KPNA2: variants seen among roughly 807,000 people sequenced by gnomAD.
KPNA2 encodes the protein importin subunit alpha-1.
A neutral mutation model predicts 53.7 loss-of-function variants in KPNA2; 20 were observed. That is an observed-to-expected ratio of 0.37 (90% confidence interval 0.26 to 0.54). The LOEUF is 0.54. KPNA2 is among the 20% of genes least tolerant of loss of function. The probability of loss-of-function intolerance (pLI) is 0.83; values close to 1 mark genes in which losing one functional copy is unlikely to be tolerated. For synonymous variants in KPNA2, 238 were observed against 227.5 expected (o/e 1.05, Z -0.42); for missense variants, 515 against 640.3 (o/e 0.80, Z 2.11).
At chr17:68,043,049 C>T (rs2071280935) in intron 6 of KPNA2, 50 bp downstream of exon 6, 1 of 1,612,550 alleles carries the variant, frequency 6.2e-7, no homozygotes, top group African/African-American at 1.3e-5. Context: ...TCTAATTTCC[C>T]CCATCTTCTC....
In KPNA2 at chr17:68,042,225, C is replaced by A. The variant is rs781997941; in HGVS notation, c.443C>A (p.Ala148Asp). The change falls in exon 5 of 11, where the codon GCT (alanine) becomes GAT (aspartate). Residue 148 changes from alanine (A) to aspartate (D), a missense_variant. By Grantham distance (126) the Ala-to-Asp change is moderately radical. Coordinates refer to ENST00000330459, the MANE Select transcript of KPNA2 (RefSeq NM_002266.4). The stretch of plus-strand genomic sequence containing the variant: ...TCTGCTTGGGCACTCACTAACATTG[C>A]TTCTGGGACATCAGAACAAACCAAG... ...FESAWALTNI[A>D]SGTSEQTKAV... 6.2e-7 allele frequency: 1 copy of A among 1,614,120 alleles called. No homozygotes were observed. Among genetic ancestry groups the A allele is most frequent in the Non-Finnish European group, 8.5e-7 (1 of 1,180,000 alleles).
At position 68,045,916 on chromosome 17, in the gene KPNA2, G is replaced by T. The variant is rs782624895; in HGVS notation, c.1492G>T (p.Val498Leu). Residue 498 changes from valine to leucine, a missense_variant, in exon 10 of 11, where the codon GTA becomes TTA. Transcript: ENST00000330459. ...SLSLIEKYFS[V>L]EEEEDQNVVP... Reference sequence around the variant, plus strand: ...AAGCTTAATTGAGAAGTATTTCTCTGTAGAGGTGAGTAATGGATGGTAATA... The same window carrying T: ...AAGCTTAATTGAGAAGTATTTCTCTTTAGAGGTGAGTAATGGATGGTAATA... 3.8e-6 allele frequency: 6 copies of T among 1,565,688 alleles called. No homozygotes were observed. In the African/African-American group the frequency reaches 6.8e-5, roughly 18 times the overall value.
chr17:68,042,148 G>A lies in KPNA2; in HGVS notation c.366G>A (p.Pro122=), dbSNP rs202246339. The change falls in exon 5 of 11, where the codon CCG becomes CCA. Residue 122 remains proline, a synonymous_variant. Coordinates refer to ENST00000330459, the MANE Select transcript of KPNA2 (RefSeq NM_002266.4). The part of the protein sequence containing the change: ...IDNIIRAGLI[P]KFVSFLGRTD... ...ACATAATCCGGGCTGGTTTGATTCC[G>A]AAATTTGTGTCCTTCTTGGGCAGAA... 1.1e-4 allele frequency: 170 copies of A among 1,613,952 alleles called. No homozygotes were observed. In the East Asian group the frequency reaches 2.2e-3, roughly 21 times the overall value.
Position 68,043,822 on chromosome 17 carries a change from A to ATTTTT in KPNA2, c.931-8_931-4dup. The ATTTTT allele has an allele frequency of 1.2e-6, 1 of 862,712 alleles. No individual in the cohort carries two copies. Among genetic ancestry groups the ATTTTT allele is most frequent in the East Asian group, 5.0e-5 (1 of 19,876 alleles). The allele number at this position is 862,712 out of a possible 1,614,324, so 53.4% of individuals were successfully genotyped here. ...GGGAAAAAATAACCAGCATCAACAT[A>ATTTTT]TTTTTTTTTTTTCAGACTCCTGCCC... On this transcript the variant is annotated splice_polypyrimidine_tract_variant and intron_variant, in intron 7 of 10. Coordinates refer to ENST00000330459, the MANE Select transcript of KPNA2 (RefSeq NM_002266.4).
chr17:68,043,091 T>G lies in KPNA2; in HGVS notation c.667-9T>G. ...CAGAACCTCTCATTGCCTATTTTTT[T>G]TCCCCCAGTGTGGCTACTTACGTAA... On this transcript the variant is annotated splice_polypyrimidine_tract_variant and intron_variant, in intron 6 of 10. Coordinates refer to ENST00000330459, the MANE Select transcript of KPNA2 (RefSeq NM_002266.4). The G allele has an allele frequency of 6.2e-7, 1 of 1,613,932 alleles. No homozygotes were observed. The highest frequency in any genetic ancestry group is 2.2e-5 in the East Asian group (1 of 44,866).
Position 68,042,915 on chromosome 17 carries a change from A to C in KPNA2, c.582A>C (p.Ser194=), listed in dbSNP as rs1476557022. ...WALGNIAGDG[S]VFRDLVIKYG... is the part of the protein sequence containing the mutation. ...TGCCTTTTTTTTCAGGTGATGGCTC[A>C]GTGTTCCGAGACTTGGTTATTAAGT... is the stretch of plus-strand genomic sequence containing the variant. The change falls in exon 6 of 11, where the codon TCA becomes TCC. Residue 194 remains serine (S), a synonymous_variant. Transcript: ENST00000330459. 1.2e-6 allele frequency: 2 copies of C among 1,608,360 alleles called. No individual in the cohort carries two copies. The highest frequency in any genetic ancestry group is 1.3e-5 in the African/African-American group (1 of 74,480).
In KPNA2 at chr17:68,037,360, A is replaced by G. The variant is rs1555703928; in HGVS notation, c.78A>G (p.Glu26=). 1 of 1,611,560 alleles carries G rather than the reference A, an allele frequency of 6.2e-7. No individual in the cohort carries two copies. The highest frequency in any genetic ancestry group is 1.3e-5 in the African/African-American group (1 of 74,818). Reference sequence around the variant, plus strand: ...ACGGCATGTTATCTTTTCTCAAGGAAATGAGGCGTCGCAGAATAGAGGTCA... The same window carrying G: ...ACGGCATGTTATCTTTTCTCAAGGAGATGAGGCGTCGCAGAATAGAGGTCA... The part of the protein sequence containing the change: ...RFKNKGKDST[E]MRRRRIEVNV... The change falls in exon 3 of 11, where the codon GAA becomes GAG. Residue 26 remains glutamate, a splice_region_variant and synonymous_variant. Coordinates refer to ENST00000330459, the MANE Select transcript of KPNA2 (RefSeq NM_002266.4).
intron 4 of KPNA2, 35 bp downstream of exon 4, chr17:68,040,801 G>C: frequency 1.6e-6 from 2 of 1,264,720 alleles, no homozygotes; most frequent in Non-Finnish European, 2.2e-6. Context: ...GGTAGCCTAA[G>C]AAATTTGTGT....
chr17:68,042,390 T>C (rs1555704687), intron 5 of KPNA2, 37 bp downstream of exon 5: 2 of 1,593,646 alleles, frequency 1.3e-6, no homozygotes, highest in Non-Finnish European at 1.7e-6. Flanking sequence ...TGAATGTATC[T>C]AATCGTAATT....
Position 68,043,611 on chromosome 17 carries a change from CAGG to C in KPNA2, c.931-224_931-222del, listed in dbSNP as rs1446743692. Among the ~76,000 whole-genome samples, 6 of 150,200 alleles carry C rather than the reference CAGG, an allele frequency of 4.0e-5. No individual in the cohort carries two copies. In the Admixed American group the frequency reaches 4.0e-4, roughly 10 times the overall value. Reference sequence around the variant, plus strand: ...ATCTCAACTACTCGGGAGGCTAAGGCAGGAGAATTGCTTGAATCTGGGAGGCAG... The same window carrying C: ...ATCTCAACTACTCGGGAGGCTAAGGCAGAATTGCTTGAATCTGGGAGGCAG... On this transcript the variant is annotated intron_variant, in intron 7 of 10. Coordinates refer to ENST00000330459, the MANE Select transcript of KPNA2 (RefSeq NM_002266.4).
At chr17:68,041,879 A>G (rs1428698291) in intron 4 of KPNA2, among the ~76,000 whole-genome samples, 1 of 152,168 alleles carries the variant, frequency 6.6e-6, no homozygotes, top group Non-Finnish European at 1.5e-5. Context: ...TTCTGGAAAA[A>G]TGGTAGTTAA....
intron 3 of KPNA2, among the ~76,000 whole-genome samples, chr17:68,040,014 AGGT>A (rs1396589429): frequency 2.6e-5 from 4 of 151,682 alleles, no homozygotes; most frequent in Admixed American, 2.0e-4. Context: ...CAGGAGGCGG[AGGT>A]GGTGGTGAGC....
At chr17:68,037,547 G>A in intron 3 of KPNA2, 52 bp downstream of exon 3, 2 of 1,538,404 alleles carry the variant, frequency 1.3e-6, no homozygotes, top group Non-Finnish European at 1.8e-6. Flanking sequence ...AAAATCAGTA[G>A]GGACTTTTCT....
Position 68,035,765 on chromosome 17 carries a change from C to A in KPNA2, c.-99C>A, listed in dbSNP as rs1436925207. 6.6e-6 allele frequency: 1 copy of A among 152,360 alleles called. No individual in the cohort carries two copies. 9.4% of individuals were successfully genotyped at this position (152,360 alleles called of 1,614,324 possible). A position where few individuals can be genotyped will look rare whatever the true frequency, so the allele number is the denominator to read the frequency against. On this transcript the variant is annotated 5_prime_UTR_variant, in exon 1 of 11. Transcript: ENST00000330459. ...GTCTTTGAGCTGAGTCGAGGTGGAC[C>A]CTTTGAACGCAGTCGCCCTACAGCC... is the stretch of plus-strand genomic sequence containing the variant.
Position 68,043,123 on chromosome 17 carries a change from C to T in KPNA2, c.690C>T (p.Thr230=). 1.9e-6 allele frequency: 3 copies of T among 1,614,026 alleles called. No individual in the cohort carries two copies. Among genetic ancestry groups the T allele is most frequent in the Middle Eastern group, 1.7e-4 (1 of 6,060 alleles). ...SLACGYLRNL[T]WTLSNLCRNK... ...AGTGTGGCTACTTACGTAATCTTAC[C>T]TGGACACTTTCTAATCTTTGCCGCA... Residue 230 remains threonine (T), a synonymous_variant, in exon 7 of 11, where the codon ACC becomes ACT. Transcript: ENST00000330459.
At position 68,046,195 on chromosome 17, in the gene KPNA2, G is replaced by C. The variant is rs373261442; in HGVS notation, c.1497+274G>C. On this transcript the variant is annotated intron_variant, in intron 10 of 10. Transcript: ENST00000330459. ...TGAGGGTAAGTTAACGGGTGTCATTGTAGGAGGTGATAGAGAAGTAGGCCA... is the reference window on the plus strand; with the variant it reads ...TGAGGGTAAGTTAACGGGTGTCATTCTAGGAGGTGATAGAGAAGTAGGCCA... 2.6e-5 allele frequency among the ~76,000 whole-genome samples: 4 copies of C among 152,162 alleles called. No homozygotes were observed. The East Asian group carries it at 5.8e-4, about 22-fold the overall frequency.
intron 4 of KPNA2, among the ~76,000 whole-genome samples, chr17:68,040,973 T>G (rs1013780103): frequency 6.6e-6 from 1 of 152,114 alleles, no homozygotes; most frequent in African/African-American, 2.4e-5. Flanking sequence ...AATGCCTGGG[T>G]TCAAGCAGTC....
chr17:68,042,500 G>A (rs567001473), intron 5 of KPNA2, 147 bp downstream of exon 5: 2 of 845,728 alleles, frequency 2.4e-6, no homozygotes, highest in African/African-American at 1.7e-5. Context: ...CTTTACAAAG[G>A]CAGCAGAGGG....
chr17:68,036,351 T>A (rs1405294364), intron 1 of KPNA2: 1 of 152,254 alleles, frequency 6.6e-6, no homozygotes, highest in African/African-American at 2.4e-5. Flanking sequence ...TCATCCTAAT[T>A]AAGCGCATTC....
Sources: allele counts gnomAD v4.1 joint callset (sites outside exome capture counted in the v4.1 genomes callset), GRCh38; gene constraint gnomAD v4.1.1; transcripts MANE v1.5; gene names NCBI Gene and HGNC (gene_info 2026-07-23, HGNC 2026-07-21).